The following SMYD3 variants were observed in gnomAD, a reference collection of about 807,000 sequenced individuals.
SMYD3 encodes the protein SET and MYND domain containing 3.
In SMYD3, 36 loss-of-function variants were observed where a neutral mutation model predicts 57.7. That is an observed-to-expected ratio of 0.62 (90% CI 0.48 to 0.82). The LOEUF is 0.82. Ranked by LOEUF, SMYD3 falls within the 40% of genes least tolerant of loss-of-function variation. SMYD3 has a pLI of 0.00. For synonymous variants in SMYD3, 211 were observed against 195.0 expected (o/e 1.08, Z -0.68); for missense variants, 515 against 538.8 (o/e 0.96, Z 0.44).
intron 2 of SMYD3, among the ~76,000 whole-genome samples, chr1:246,342,309 T>C (rs1455956976): frequency 1.3e-5 from 2 of 152,318 alleles, no homozygotes; most frequent in East Asian, 1.9e-4. Context: ...AGGTTTCCTA[T>C]GGGCAAAACT....
chr1:245,898,627 G>A (rs888295859), intron 8 of SMYD3, among the ~76,000 whole-genome samples: 1 of 152,180 alleles, frequency 6.6e-6, no homozygotes, highest in Non-Finnish European at 1.5e-5. Flanking sequence ...TTGAGAGCCC[G>A]GTGAATAATC....
chr1:245,803,451 A>G (rs1042290999), intron 10 of SMYD3, among the ~76,000 whole-genome samples: 1 of 152,196 alleles, frequency 6.6e-6, no homozygotes, highest in Non-Finnish European at 1.5e-5. Context: ...TCACAGGTCA[A>G]CAATGGTGAC....
At chr1:246,498,416 G>A (rs1033838237) in intron 1 of SMYD3, among the ~76,000 whole-genome samples, 1 of 152,152 alleles carries the variant, frequency 6.6e-6, no homozygotes, top group Non-Finnish European at 1.5e-5. Flanking sequence ...TGAAGCAAGT[G>A]CAAAACTAAG....
At chr1:245,785,644 C>CGAGAGA (rs59644890) in intron 10 of SMYD3, among the ~76,000 whole-genome samples, 18,534 of 149,358 alleles carry the variant, frequency 0.12, 1,177 homozygotes, top group Admixed American at 0.17. Context: ...AGAGAGCGAG[C>CGAGAGA]GAGAGAGAGA....
intron 10 of SMYD3, among the ~76,000 whole-genome samples, chr1:245,848,103 C>CTTTTTTTT (rs35906120): frequency 6.8e-6 from 1 of 147,900 alleles, no homozygotes; most frequent in African/African-American, 2.5e-5. Context: ...GAGATAAAGT[C>CTTTTTTTT]TTTTTTTTTT....
At chr1:245,807,555 A>C (rs2048245269) in intron 10 of SMYD3, among the ~76,000 whole-genome samples, 1 of 152,222 alleles carries the variant, frequency 6.6e-6, no homozygotes, top group African/African-American at 2.4e-5. Flanking sequence ...TTACCGGCAC[A>C]CATTAGTGAG....
chr1:245,828,709 A>ATT (rs10626820), intron 10 of SMYD3, among the ~76,000 whole-genome samples: 124,640 of 147,048 alleles, frequency 0.85, 53,368 homozygotes, highest in Non-Finnish European at 0.93. Context: ...AGTTTTTCTG[A>ATT]TTTTTTTTTT....
chr1:246,438,963 T>C (rs1438362124), intron 1 of SMYD3, among the ~76,000 whole-genome samples: 2 of 151,944 alleles, frequency 1.3e-5, no homozygotes, highest in African/African-American at 4.8e-5. Context: ...CACTCCCTAC[T>C]GTGCGGCCTG....
At chr1:246,223,665 A>C (rs1207951195) in intron 5 of SMYD3, among the ~76,000 whole-genome samples, 1 of 152,090 alleles carries the variant, frequency 6.6e-6, no homozygotes, top group African/African-American at 2.4e-5. Flanking sequence ...CTATACCTAT[A>C]CTATTGGTAT....
chr1:246,021,863 G>A (rs1394567600), intron 5 of SMYD3, among the ~76,000 whole-genome samples: 1 of 152,198 alleles, frequency 6.6e-6, no homozygotes. Context: ...TTGAGCATAG[G>A]ATATCAGCAG....
At chr1:246,275,736 C>G (rs71638320) in intron 5 of SMYD3, among the ~76,000 whole-genome samples, 5 of 148,298 alleles carry the variant, frequency 3.4e-5, no homozygotes, top group South Asian at 4.3e-4. Context: ...TTTAATGTCT[C>G]TAGTGGAGTC....
chr1:245,960,519 C>A (rs1156512644), intron 5 of SMYD3, among the ~76,000 whole-genome samples: 1 of 152,028 alleles, frequency 6.6e-6, no homozygotes. Flanking sequence ...CTTAGAAGGC[C>A]GAGGCCAGCC....
At chr1:246,049,439 G>A (rs2060027935) in intron 5 of SMYD3, among the ~76,000 whole-genome samples, 1 of 151,090 alleles carries the variant, frequency 6.6e-6, no homozygotes. Context: ...TAGGACTACA[G>A]GCGCCCGCCA....
chr1:246,477,667 A>C (rs2068045801), intron 1 of SMYD3, among the ~76,000 whole-genome samples: 1 of 152,238 alleles, frequency 6.6e-6, no homozygotes, highest in Non-Finnish European at 1.5e-5. Flanking sequence ...AAAAGGGAAA[A>C]TTAAAGCTCA....
intron 10 of SMYD3, among the ~76,000 whole-genome samples, chr1:245,857,516 T>TCTCCCTCTGCTTC (rs2051310013): frequency 6.6e-6 from 1 of 151,528 alleles, no homozygotes; most frequent in South Asian, 2.1e-4. Context: ...TGTCCTACGT[T>TCTCCCTCTGCTTC]GCCCCTTTGG....
intron 5 of SMYD3, among the ~76,000 whole-genome samples, chr1:246,012,542 A>G (rs1332658360): frequency 6.6e-6 from 1 of 152,184 alleles, no homozygotes; most frequent in Non-Finnish European, 1.5e-5. Context: ...CAGTTTTGTA[A>G]CCGCCTCTAT....
chr1:245,970,680 T>C (rs2058277106), intron 5 of SMYD3, among the ~76,000 whole-genome samples: 1 of 152,064 alleles, frequency 6.6e-6, no homozygotes, highest in Non-Finnish European at 1.5e-5. Context: ...GACACTTATG[T>C]GGCCAAAAAT....
At chr1:246,309,853 A>G (rs114501973) in intron 5 of SMYD3, among the ~76,000 whole-genome samples, 47 of 152,328 alleles carry the variant, frequency 3.1e-4, no homozygotes, top group African/African-American at 9.6e-4. Flanking sequence ...TTAAAAAATG[A>G]TTTGTCTCTG....
chr1:245,818,490 C>T (rs1201821038), intron 10 of SMYD3, among the ~76,000 whole-genome samples: 12 of 152,168 alleles, frequency 7.9e-5, no homozygotes, highest in East Asian at 1.9e-4. Flanking sequence ...CATCAACTAA[C>T]GAGCAAAATA....
Sources: allele counts gnomAD v4.1 joint callset (sites outside exome capture counted in the v4.1 genomes callset), GRCh38; gene constraint gnomAD v4.1.1; transcripts MANE v1.5; gene names NCBI Gene and HGNC (gene_info 2026-07-23, HGNC 2026-07-21).